The following SPNS2 variants were observed in gnomAD, a reference collection of about 807,000 sequenced individuals.
SPNS2 encodes the protein sphingosine-1-phosphate transporter SPNS2.
A neutral mutation model predicts 57.6 loss-of-function variants in SPNS2; 37 were observed. The observed-to-expected ratio is 0.64, with a 90% CI of 0.49 to 0.85. The LOEUF (loss-of-function observed/expected upper bound fraction) is 0.85, where lower values mean the gene tolerates loss of function less well. Ranked by LOEUF, SPNS2 falls within the 40% of genes least tolerant of loss-of-function variation. The pLI is 0.00. For missense variants in SPNS2, 831 were observed against 779.1 expected (o/e 1.07, Z -0.79); for synonymous variants, 440 against 346.9 (o/e 1.27, Z -2.98).
At position 4,533,810 on chromosome 17, in the gene SPNS2, C is replaced by G; in HGVS notation, c.1301C>G (p.Thr434Arg). The G allele has an allele frequency of 6.2e-7, 1 of 1,613,690 alleles. No individual in the cohort carries two copies. The highest frequency in any genetic ancestry group is 8.5e-7 in the Non-Finnish European group (1 of 1,180,010). ...GAYICIFVGE[T>R]LLFSNWAITA... Reference sequence around the variant, plus strand: ...CAGATCTGTATCTTCGTCGGGGAGACGCTGCTGTTTTCTAACTGGGCCATC... The same window carrying G: ...CAGATCTGTATCTTCGTCGGGGAGAGGCTGCTGTTTTCTAACTGGGCCATC... Residue 434 changes from threonine to arginine, a missense_variant, in exon 9 of 13, where the codon ACG becomes AGG. Transcript: ENST00000329078.
Position 4,538,842 on chromosome 17 carries a change from C to G in SPNS2, c.*1394C>G, listed in dbSNP as rs998769547. The G allele has an allele frequency of 6.4e-6, 5 of 778,590 alleles. No individual in the cohort carries two copies. The highest frequency in any genetic ancestry group is 1.7e-5 in the African/African-American group (1 of 59,014). The allele number at this position is 778,590 out of a possible 1,614,324, so 48.2% of individuals were successfully genotyped here. A position where few individuals can be genotyped will look rare whatever the true frequency, so the allele number is the denominator to read the frequency against. The stretch of plus-strand genomic sequence containing the variant: ...TCCTCCAAAGACCAGCCTCCACCCC[C>G]ACTCCAGCCTCAGCGGGGCCCCAGC... On this transcript the variant is annotated 3_prime_UTR_variant, in exon 13 of 13. Coordinates refer to ENST00000329078, the MANE Select transcript of SPNS2 (RefSeq NM_001124758.3).
chr17:4,517,067 T>C (rs1567590283), intron 2 of SPNS2, among the ~76,000 whole-genome samples: 1 of 152,082 alleles, frequency 6.6e-6, no homozygotes, highest in Non-Finnish European at 1.5e-5. Context: ...GTTCTAACCG[T>C]GGGTGATTTT....
At chr17:4,535,178 C>G (rs1905717167) in intron 9 of SPNS2, among the ~76,000 whole-genome samples, 1 of 152,146 alleles carries the variant, frequency 6.6e-6, no homozygotes, top group Non-Finnish European at 1.5e-5. Context: ...CCACCCCAGC[C>G]CCTCCTGTCT....
At chr17:4,534,428 G>T (rs1311027530) in intron 9 of SPNS2, 8 of 169,094 alleles carry the variant, frequency 4.7e-5, no homozygotes, top group Admixed American at 4.5e-4. Flanking sequence ...TGGCAGGGGT[G>T]AGTGTGACAC....
At chr17:4,502,689 C>G (rs890215825) in intron 1 of SPNS2, among the ~76,000 whole-genome samples, 2 of 152,208 alleles carry the variant, frequency 1.3e-5, no homozygotes, top group South Asian at 2.1e-4. Flanking sequence ...GACTGTATCT[C>G]GAGCACCTGG....
chr17:4,535,802 A>C (rs1467652064), intron 9 of SPNS2, among the ~76,000 whole-genome samples: 1 of 151,022 alleles, frequency 6.6e-6, no homozygotes, highest in Non-Finnish European at 1.5e-5. Context: ...GAGGTGTGGA[A>C]GCCCCTGGGG....
intron 3 of SPNS2, among the ~76,000 whole-genome samples, chr17:4,525,499 C>T (rs1905244091): frequency 1.3e-5 from 2 of 152,214 alleles, no homozygotes. Context: ...GGAGTGAGGG[C>T]CTTGAGTCCT....
Position 4,510,818 on chromosome 17 carries a change from G to C in SPNS2, c.371-2429G>C, listed in dbSNP as rs950173676. 6.6e-6 allele frequency among the ~76,000 whole-genome samples: 1 copy of C among 152,194 alleles called. No individual in the cohort carries two copies. Among genetic ancestry groups the C allele is most frequent in the African/African-American group, 2.4e-5 (1 of 41,442 alleles). On this transcript the variant is annotated intron_variant, in intron 1 of 12. Coordinates refer to ENST00000329078, the MANE Select transcript of SPNS2 (RefSeq NM_001124758.3). This position sits in a 1 kb window ranked among gnomAD's most constrained non-coding sequence, Gnocchi z 4.4. ...ACATTCACCCACGTGTAAAGTCCCTGTGGGTTATGTGTGTGCTGGGCCCTG... is the reference window on the plus strand; with the variant it reads ...ACATTCACCCACGTGTAAAGTCCCTCTGGGTTATGTGTGTGCTGGGCCCTG...
chr17:4,517,103 A>C (rs1339808299), intron 2 of SPNS2, among the ~76,000 whole-genome samples: 4 of 152,130 alleles, frequency 2.6e-5, no homozygotes, highest in African/African-American at 9.7e-5. Context: ...TCCTGATTCC[A>C]AGCTGTGTCC....
chr17:4,511,225 C>T lies in SPNS2; in HGVS notation c.371-2022C>T, dbSNP rs890755318. 2.6e-5 allele frequency among the ~76,000 whole-genome samples: 4 copies of T among 152,116 alleles called. No individual in the cohort carries two copies. Among genetic ancestry groups the T allele is most frequent in the African/African-American group, 9.7e-5 (4 of 41,404 alleles). On this transcript the variant is annotated intron_variant, in intron 1 of 12. Transcript: ENST00000329078. This position sits in a 1 kb window ranked among gnomAD's most constrained non-coding sequence, Gnocchi z 4.6. Reference sequence around the variant, plus strand: ...ACAGGGGAAGAGTGGGGGCAACTAACTTATTGAGGGTGGTGGGAGGGGAGC... The same window carrying T: ...ACAGGGGAAGAGTGGGGGCAACTAATTTATTGAGGGTGGTGGGAGGGGAGC...
intron 2 of SPNS2, among the ~76,000 whole-genome samples, chr17:4,515,328 A>T (rs188141752): frequency 6.6e-6 from 1 of 152,328 alleles, no homozygotes; most frequent in East Asian, 1.9e-4. Context: ...CAAAGGCCCA[A>T]GACAGGGAAA....
In SPNS2 at chr17:4,533,346, C is replaced by G. The variant is rs375501395; in HGVS notation, c.1192C>G (p.Leu398Val). The G allele has an allele frequency of 3.1e-6, 5 of 1,611,926 alleles. No individual in the cohort carries two copies. The highest frequency in any genetic ancestry group is 4.5e-5 in the East Asian group (2 of 44,868). Residue 398 changes from leucine to valine, a missense_variant, in exon 8 of 13, where the codon CTG becomes GTG. By Grantham distance (32) the Leu-to-Val change is conservative. Transcript: ENST00000329078. ...CCTGAAGACCCAGCGGGCCGACCCA[C>G]TGGTGTGTGCCGTGGGCATGCTGGG... ...CRLKTQRADP[L>V]VCAVGMLGSA...
At chr17:4,501,605 C>T (rs2144298680) in intron 1 of SPNS2, among the ~76,000 whole-genome samples, 1 of 152,310 alleles carries the variant, frequency 6.6e-6, no homozygotes, top group Non-Finnish European at 1.5e-5. Context: ...CAGGTTTCCT[C>T]TCCGGATAAG....
rs1904831211 is a variant in SPNS2 at position 4,511,615 on chromosome 17, G to A, written c.371-1632G>A. ...CCTCTTGCTGGCTCTGCCATCCACA[G>A]GCCTAGGATTGGCCCCGGCTTCTAC... is the stretch of plus-strand genomic sequence containing the variant. On this transcript the variant is annotated intron_variant, in intron 1 of 12. Transcript: ENST00000329078. This position sits in a 1 kb window ranked among gnomAD's most constrained non-coding sequence, Gnocchi z 4.6. 6.6e-6 allele frequency among the ~76,000 whole-genome samples: 1 copy of A among 152,212 alleles called. No homozygotes were observed. Among genetic ancestry groups the A allele is most frequent in the African/African-American group, 2.4e-5 (1 of 41,432 alleles).
intron 3 of SPNS2, among the ~76,000 whole-genome samples, chr17:4,530,330 C>A (rs201016388): frequency 1.3e-5 from 2 of 152,122 alleles, no homozygotes; most frequent in Admixed American, 6.5e-5. Flanking sequence ...AGGCTTGTGT[C>A]CCCAGTGCCT....
At chr17:4,535,653 C>A (rs1449600773) in intron 9 of SPNS2, among the ~76,000 whole-genome samples, 1 of 152,140 alleles carries the variant, frequency 6.6e-6, no homozygotes, top group Non-Finnish European at 1.5e-5. Context: ...GCCTGGGCAA[C>A]CCCCAAAGTA....
Position 4,499,089 on chromosome 17 carries a change from G to C in SPNS2, c.42G>C (p.Ala14=). The change falls in exon 1 of 13, where the codon GCG becomes GCC. Residue 14 remains alanine, a synonymous_variant. Transcript: ENST00000329078. The surrounding 1 kb of genome is among the most constrained non-coding windows in gnomAD (Gnocchi z 5.2). ...GCGCCTCGGCGGCGGCGGGCGGCGCGGAGGAGGAGGAGGCGGACGCGGAGC... is the reference window on the plus strand; with the variant it reads ...GCGCCTCGGCGGCGGCGGGCGGCGCCGAGGAGGAGGAGGCGGACGCGGAGC... ...LECASAAAGG[A]EEEEADAERR... is the part of the protein sequence containing the mutation. The C allele has an allele frequency of 9.5e-7, 1 of 1,047,456 alleles. No homozygotes were observed. Among genetic ancestry groups the C allele is most frequent in the Non-Finnish European group, 1.1e-6 (1 of 870,724 alleles). The allele number at this position is 1,047,456 out of a possible 1,614,324, so 64.9% of individuals were successfully genotyped here.
chr17:4,528,815 C>T (rs943799302), intron 3 of SPNS2, among the ~76,000 whole-genome samples: 2 of 152,114 alleles, frequency 1.3e-5, no homozygotes, highest in Non-Finnish European at 2.9e-5. Context: ...GCTCTGTCAC[C>T]TAGGCTGATA....
At chr17:4,518,288 G>T (rs1018931353) in intron 2 of SPNS2, among the ~76,000 whole-genome samples, 9 of 152,234 alleles carry the variant, frequency 5.9e-5, no homozygotes, top group African/African-American at 2.2e-4. Flanking sequence ...ACTTTGGGAG[G>T]CTGAGGCGGG....
Sources: allele counts gnomAD v4.1 joint callset (sites outside exome capture counted in the v4.1 genomes callset), GRCh38; gene constraint gnomAD v4.1.1; non-coding constraint Gnocchi (gnomAD v3.1); transcripts MANE v1.5; gene names NCBI Gene and HGNC (gene_info 2026-07-23, HGNC 2026-07-21).